TSEN2: variants seen among roughly 807,000 people sequenced by gnomAD.
TSEN2 encodes the protein tRNA splicing endonuclease subunit 2.
TSEN2 carries 54 observed loss-of-function variants against 59.2 expected under a neutral mutation model. That is an observed-to-expected ratio of 0.91 (90% CI 0.73 to 1.14). The LOEUF (loss-of-function observed/expected upper bound fraction) is 1.14, where lower values mean the gene tolerates loss of function less well. Among genes scored for constraint, TSEN2 ranks in the 50% most tolerant of loss-of-function variants. The probability of loss-of-function intolerance (pLI) is 0.00; values close to 1 mark genes in which losing one functional copy is unlikely to be tolerated. For synonymous variants in TSEN2, 195 were observed against 198.2 expected (o/e 0.98, Z 0.14); for missense variants, 636 against 576.2 (o/e 1.10, Z -1.06).
intron 8 of TSEN2, among the ~76,000 whole-genome samples, chr3:12,521,437 G>A (rs1308145394): frequency 2.6e-5 from 4 of 152,178 alleles, no homozygotes; most frequent in African/African-American, 9.7e-5. Context: ...GATATCTGCT[G>A]GGCACAGTGG....
downstream of TSEN2, among the ~76,000 whole-genome samples, chr3:12,538,344 G>A (rs1480909814): frequency 1.3e-5 from 2 of 152,360 alleles, no homozygotes; most frequent in African/African-American, 4.8e-5. Flanking sequence ...GGCTTTTAGA[G>A]GGTGTGTGAG....
chr3:12,494,764 C>G (rs1042378184), intron 3 of TSEN2, among the ~76,000 whole-genome samples: 2 of 151,686 alleles, frequency 1.3e-5, no homozygotes, highest in African/African-American at 4.8e-5. Flanking sequence ...AGGGATGAAA[C>G]AGGATGCAGA....
intron 10 of TSEN2, chr3:12,530,744 G>A: frequency 1.0e-6 from 1 of 985,324 alleles, no homozygotes; most frequent in Non-Finnish European, 1.2e-6. Context: ...CATTTTAGGG[G>A]ACTTGTAGCA....
rs552040841 is a variant in TSEN2, at chr3:12,491,995, C to T, written c.190-141C>T. 1.8e-4 allele frequency: 126 copies of T among 690,700 alleles called. 1 individual carries two copies. Among genetic ancestry groups the T allele is most frequent in the Non-Finnish European group, 2.1e-4 (79 of 383,174 alleles). 42.8% of individuals were successfully genotyped at this position (690,700 alleles called of 1,614,324 possible). ...ACTGCACCATTTTATATCAGGGACT[C>T]GACCATCTGCCGATTTTGGTATCCA... On this transcript the variant is annotated intron_variant, in intron 2 of 11. Transcript: ENST00000284995.
Position 12,489,965 on chromosome 3 carries a change from G to T in TSEN2, c.165G>T (p.Glu55Asp). 2 of 1,614,158 alleles carry T rather than the reference G, an allele frequency of 1.2e-6. No individual in the cohort carries two copies. The highest frequency in any genetic ancestry group is 1.7e-6 in the Non-Finnish European group (2 of 1,180,016). Residue 55 changes from glutamate to aspartate, a missense_variant, in exon 2 of 12, where the codon GAG becomes GAT. Glu to Asp is a conservative substitution (Grantham distance 45). Coordinates refer to ENST00000284995, the MANE Select transcript of TSEN2 (RefSeq NM_025265.4). ...INNNVIVRNA[E>D]DIEQLYGKGY... ...ACAATGTGATTGTGAGGAATGCGGA[G>T]GACATTGAGCAGCTCTATGGGAAAG...
At position 12,532,784 on chromosome 3, in the gene TSEN2, C is replaced by T. The variant is rs577818131; in HGVS notation, c.*63C>T. ...TTTATTGAGGGCTAGGTAAAAAGTT[C>T]TTTTTGTTGTAATCGTCCATTAATT... On this transcript the variant is annotated 3_prime_UTR_variant, in exon 12 of 12. Transcript: ENST00000284995. 1 of 1,520,760 alleles carries T rather than the reference C, an allele frequency of 6.6e-7. No individual in the cohort carries two copies. Among genetic ancestry groups the T allele is most frequent in the Non-Finnish European group, 9.1e-7 (1 of 1,096,804 alleles). The allele number at this position is 1,520,760 out of a possible 1,614,324, so 94.2% of individuals were successfully genotyped here. A position where few individuals can be genotyped will look rare whatever the true frequency, so the allele number is the denominator to read the frequency against.
chr3:12,489,665 C>A, intron 1 of TSEN2, 119 bp from the exon 2 acceptor site: 1 of 786,780 alleles, frequency 1.3e-6, no homozygotes, highest in Non-Finnish European at 2.1e-6. Context: ...TTTATAAATA[C>A]TCTATTTCTT....
At chr3:12,505,104 C>A in intron 5 of TSEN2, 50 bp from the exon 6 acceptor site, 1 of 1,018,360 alleles carries the variant, frequency 9.8e-7, no homozygotes, top group Non-Finnish European at 1.6e-6. Flanking sequence ...TTCTCTATGA[C>A]ATGTAGTGCT....
rs1413862626 is a variant in TSEN2, at chr3:12,503,882, G to A, written c.831+98G>A. ...TTTGCCTGCAGCTGGTAGCTGGCCT[G>A]TTGTAGGGTCCAAGGGAAGCAGCAG... On this transcript the variant is annotated intron_variant, in intron 5 of 11. Coordinates refer to ENST00000284995, the MANE Select transcript of TSEN2 (RefSeq NM_025265.4). 13 of 1,477,980 alleles carry A rather than the reference G, an allele frequency of 8.8e-6. No individual in the cohort carries two copies. The East Asian group carries it at 2.7e-4, about 31-fold the overall frequency. The allele number at this position is 1,477,980 out of a possible 1,614,324, so 91.6% of individuals were successfully genotyped here. A position where few individuals can be genotyped will look rare whatever the true frequency, so the allele number is the denominator to read the frequency against.
Position 12,503,450 on chromosome 3 carries a change from G to T in TSEN2, c.497G>T (p.Gly166Val). The T allele has an allele frequency of 1.2e-6, 2 of 1,614,244 alleles. No individual in the cohort carries two copies. The highest frequency in any genetic ancestry group is 1.7e-6 in the Non-Finnish European group (2 of 1,180,046). Residue 166 changes from glycine to valine, a missense_variant, in exon 5 of 12, where the codon GGG becomes GTG. Gly to Val is a moderately radical substitution (Grantham distance 109). Coordinates refer to ENST00000284995, the MANE Select transcript of TSEN2 (RefSeq NM_025265.4). ...GTTTCCAACATGGAAGGCACAGCAG[G>T]GGGAGAGAGACCTTCTGTGGTAAAC... ...GMVSNMEGTA[G>V]GERPSVVNGD...
intron 9 of TSEN2, 22 bp from the exon 10 acceptor site, chr3:12,529,740 A>T (rs755772519): frequency 3.7e-6 from 6 of 1,606,518 alleles, no homozygotes; most frequent in Admixed American, 3.3e-5. Context: ...TACTTTTAAC[A>T]TGCTTTTTCT....
At chr3:12,528,732 A>T (rs889926269) in intron 8 of TSEN2, among the ~76,000 whole-genome samples, 156 bp from the exon 9 acceptor site, 6 of 152,186 alleles carry the variant, frequency 3.9e-5, no homozygotes, top group Non-Finnish European at 8.8e-5. Flanking sequence ...AAAATAGACC[A>T]CAGGCATATT....
Position 12,523,350 on chromosome 3 carries a change from G to A in TSEN2, c.1099+4153G>A, listed in dbSNP as rs78295828. Among the ~76,000 whole-genome samples, 362 of 151,986 alleles carry A rather than the reference G, an allele frequency of 2.4e-3. 2 individuals are homozygous for A. The highest frequency in any genetic ancestry group is 3.6e-3 in the Non-Finnish European group (245 of 67,978). ...GTCCCAGCACAGAAATGGAATGGTG[G>A]GAGCCATTGAAAGCTAGCAGAGTTA... is the stretch of plus-strand genomic sequence containing the variant. On this transcript the variant is annotated intron_variant, in intron 8 of 11. Transcript: ENST00000284995.
At chr3:12,489,727 G>C in intron 1 of TSEN2, 57 bp from the exon 2 acceptor site, 2 of 1,450,316 alleles carry the variant, frequency 1.4e-6, no homozygotes, top group Non-Finnish European at 1.9e-6. Flanking sequence ...CTCACATTTT[G>C]GATCAAGGTA....
chr3:12,523,112 TC>T (rs1321346440), intron 8 of TSEN2, among the ~76,000 whole-genome samples: 1 of 152,108 alleles, frequency 6.6e-6, no homozygotes, highest in Non-Finnish European at 1.5e-5. Context: ...GGGTCTATCC[TC>T]CCTATCTTCC....
chr3:12,527,443 C>CT (rs895117307), intron 8 of TSEN2, among the ~76,000 whole-genome samples: 123 of 137,576 alleles, frequency 8.9e-4, no homozygotes, highest in South Asian at 1.4e-3. Context: ...TTGAACTTTT[C>CT]TTTTTTTTTT....
intron 6 of TSEN2, among the ~76,000 whole-genome samples, chr3:12,505,780 T>A (rs1339689861): frequency 2.7e-5 from 3 of 111,490 alleles, no homozygotes; most frequent in African/African-American, 8.5e-5. Flanking sequence ...TGAAACTCTG[T>A]CTCAAAAAAA....
chr3:12,534,490 A>T (rs2057622304), downstream of TSEN2, among the ~76,000 whole-genome samples: 1 of 152,124 alleles, frequency 6.6e-6, no homozygotes, highest in African/African-American at 2.4e-5. Context: ...CATGTGGCTA[A>T]TGATGTTTAC....
At chr3:12,501,109 C>A (rs912527529) in intron 4 of TSEN2, among the ~76,000 whole-genome samples, 1 of 152,136 alleles carries the variant, frequency 6.6e-6, no homozygotes, top group Admixed American at 6.5e-5. Context: ...TTTTTAGACC[C>A]CTCACATGAA....
Sources: allele counts gnomAD v4.1 joint callset (sites outside exome capture counted in the v4.1 genomes callset), GRCh38; gene constraint gnomAD v4.1.1; transcripts MANE v1.5; gene names NCBI Gene and HGNC (gene_info 2026-07-23, HGNC 2026-07-21).